MIR2052HG: variants seen among roughly 807,000 people sequenced by gnomAD.
MIR2052HG encodes MIR2052 host gene.
Position 74,673,910 on chromosome 8 carries a change from T to TATATATATATATATATATATATATACAC in MIR2052HG, n.217-28468_217-28467insTATATATATATATATATATATATACACA, listed in dbSNP as rs1485340799. Among the ~76,000 whole-genome samples the TATATATATATATATATATATATATACAC allele has an allele frequency of 4.6e-3, 615 of 132,818 alleles. 15 individuals carry two copies. The highest frequency in any genetic ancestry group is 0.011 in the African/African-American group (318 of 29,372). The allele number at this position is 132,818 out of a possible 152,430, so 87.1% of individuals were successfully genotyped here. On this transcript the variant is annotated intron_variant and non_coding_transcript_variant, in intron 2 of 6. Coordinates refer to ENST00000523442, the Ensembl canonical transcript of MIR2052HG. ...TTGTATATATATATATATATATATA[T>TATATATATATATATATATATATATACAC]ACACACACAAAATATCTATCTATAT... is the stretch of plus-strand genomic sequence containing the variant.
At chr8:74,665,115 C>T (rs1016201831) in intron 2 of MIR2052HG, among the ~76,000 whole-genome samples, 5 of 152,138 alleles carry the variant, frequency 3.3e-5, no homozygotes, top group Admixed American at 1.3e-4. Context: ...TCCTACTGTG[C>T]TTGCTTTCAA....
intron 2 of MIR2052HG, among the ~76,000 whole-genome samples, chr8:74,687,578 C>T (rs1029686698): frequency 7.9e-5 from 12 of 152,018 alleles, no homozygotes; most frequent in South Asian, 2.1e-4. Flanking sequence ...ATAAGCCAGG[C>T]GCAGAGGGGT....
intron 4 of MIR2052HG, among the ~76,000 whole-genome samples, chr8:74,746,386 G>A (rs760467994): frequency 4.6e-5 from 7 of 152,232 alleles, no homozygotes; most frequent in South Asian, 2.1e-4. Context: ...AGTACTTGGC[G>A]GTAGGTATAG....
intron 2 of MIR2052HG, among the ~76,000 whole-genome samples, chr8:74,635,162 A>G (rs1431896605): frequency 6.6e-6 from 1 of 152,164 alleles, no homozygotes; most frequent in African/African-American, 2.4e-5. Flanking sequence ...ACAGTTCCAC[A>G]ATTGTAGAAT....
chr8:74,658,426 T>C (rs566093712), intron 2 of MIR2052HG, among the ~76,000 whole-genome samples: 1 of 152,012 alleles, frequency 6.6e-6, no homozygotes, highest in Admixed American at 6.6e-5. Flanking sequence ...AGTCTCTGTC[T>C]GTCGCCCAGG....
intron 1 of MIR2052HG, among the ~76,000 whole-genome samples, chr8:74,611,020 G>A (rs1471327320): frequency 6.6e-6 from 1 of 151,964 alleles, no homozygotes; most frequent in Non-Finnish European, 1.5e-5. Context: ...CTCTTAGAAA[G>A]ACACTATTAA....
chr8:74,602,769 C>G (rs556092326), intron 1 of MIR2052HG, among the ~76,000 whole-genome samples: 79 of 148,354 alleles, frequency 5.3e-4, no homozygotes, highest in African/African-American at 1.9e-3. Flanking sequence ...CCTGCCTCGG[C>G]CTCCCAAAGT....
chr8:74,752,631 G>T, intron 5 of MIR2052HG: 1 of 338,394 alleles, frequency 3.0e-6, no homozygotes, highest in South Asian at 2.2e-5. Flanking sequence ...GCATTTGATT[G>T]TATCTTTGTT....
chr8:74,748,034 T>A (rs1809904936), intron 4 of MIR2052HG, among the ~76,000 whole-genome samples: 1 of 152,240 alleles, frequency 6.6e-6, no homozygotes, highest in Admixed American at 6.5e-5. Context: ...AGCCCACTTC[T>A]GTGATTCTTA....
chr8:74,600,374 C>T (rs746698993), intron 1 of MIR2052HG, among the ~76,000 whole-genome samples: 17 of 150,964 alleles, frequency 1.1e-4, no homozygotes, highest in Admixed American at 2.0e-4. Context: ...CACTTGAGGT[C>T]AGGAGTTCGA....
intron 2 of MIR2052HG, among the ~76,000 whole-genome samples, chr8:74,691,844 T>C (rs1809242583): frequency 6.6e-6 from 1 of 152,212 alleles, no homozygotes; most frequent in South Asian, 2.1e-4. Flanking sequence ...AGTTTTCCCA[T>C]ATCTCAGCCA....
chr8:74,736,134 G>A (rs1044098259), intron 4 of MIR2052HG, among the ~76,000 whole-genome samples: 3 of 152,122 alleles, frequency 2.0e-5, no homozygotes, highest in South Asian at 2.1e-4. Context: ...TTCTTGATCT[G>A]TGAAACATTT....
At chr8:74,663,128 T>A (rs1808885023) in intron 2 of MIR2052HG, among the ~76,000 whole-genome samples, 1 of 152,154 alleles carries the variant, frequency 6.6e-6, no homozygotes, top group African/African-American at 2.4e-5. Flanking sequence ...TACTTATTCA[T>A]AAAGAGTATT....
chr8:74,689,414 G>GT (rs1392852195), intron 2 of MIR2052HG, among the ~76,000 whole-genome samples: 1 of 152,160 alleles, frequency 6.6e-6, no homozygotes, highest in African/African-American at 2.4e-5. Context: ...AATAAGCATT[G>GT]TAAGTCCTTT....
At chr8:74,730,758 AAT>A (rs776905231) in intron 4 of MIR2052HG, among the ~76,000 whole-genome samples, 2 of 152,002 alleles carry the variant, frequency 1.3e-5, no homozygotes, top group Admixed American at 1.3e-4. Flanking sequence ...AGTTTACATG[AAT>A]ATATATATTG....
intron 2 of MIR2052HG, among the ~76,000 whole-genome samples, chr8:74,698,302 G>A (rs2202079): frequency 0.012 from 1,801 of 152,198 alleles, 35 homozygotes; most frequent in African/African-American, 0.041. Flanking sequence ...TTGGCTAGCC[G>A]CATGTAGGAG....
chr8:74,609,617 C>T (rs1366532768), intron 1 of MIR2052HG: 2 of 150,862 alleles, frequency 1.3e-5, no homozygotes, highest in African/African-American at 4.9e-5. Context: ...TGATTTATTC[C>T]AAGAATGCAA....
chr8:74,663,305 C>G (rs1220665587), intron 2 of MIR2052HG, among the ~76,000 whole-genome samples: 1 of 152,126 alleles, frequency 6.6e-6, no homozygotes, highest in African/African-American at 2.4e-5. Flanking sequence ...AATTCTCTGA[C>G]TTTGATTCTT....
intron 4 of MIR2052HG, among the ~76,000 whole-genome samples, chr8:74,722,814 G>A (rs1170927058): frequency 2.6e-5 from 4 of 152,176 alleles, no homozygotes; most frequent in African/African-American, 9.7e-5. Flanking sequence ...TATTATAGTG[G>A]AAGGAAGGGA....
Sources: allele counts gnomAD v4.1 joint callset (sites outside exome capture counted in the v4.1 genomes callset), GRCh38; gene constraint gnomAD v4.1.1; transcripts MANE v1.5; gene names NCBI Gene and HGNC (gene_info 2026-07-23, HGNC 2026-07-21).